The following TGS1 variants were observed in gnomAD, a reference collection of about 807,000 sequenced individuals.
TGS1 encodes the protein trimethylguanosine synthase 1.
TGS1 carries 69 observed loss-of-function variants against 92.2 expected under a neutral mutation model. The ratio of observed to expected loss-of-function variants is 0.75; its 90% CI spans 0.62 to 0.91. TGS1 has a LOEUF of 0.91. TGS1 is among the 40% of genes least tolerant of loss of function. The pLI, the probability that TGS1 is intolerant of heterozygous loss-of-function variation, is 0.00. For synonymous variants in TGS1, 345 were observed against 338.1 expected (o/e 1.02, Z -0.22); for missense variants, 1,062 against 1,001.2 (o/e 1.06, Z -0.82).
intron 5 of TGS1, 80 bp downstream of exon 5, chr8:55,790,379 T>C (rs1489101739): frequency 1.4e-5 from 13 of 897,844 alleles, no homozygotes; most frequent in South Asian, 1.0e-4. Context: ...ATTAAATGAT[T>C]GTTATGTTCA....
chr8:55,807,287 A>G (rs982704656), intron 10 of TGS1, among the ~76,000 whole-genome samples: 1 of 152,134 alleles, frequency 6.6e-6, no homozygotes, highest in Admixed American at 6.5e-5. Flanking sequence ...ACCTTTCAAA[A>G]AGCTTTAAAT....
At chr8:55,780,160 C>CTTTT (rs56871302) in intron 1 of TGS1, among the ~76,000 whole-genome samples, 3 of 130,934 alleles carry the variant, frequency 2.3e-5, no homozygotes, top group African/African-American at 2.8e-5. Context: ...TCTGGCATGG[C>CTTTT]TTTTTTTTTT....
chr8:55,806,935 T>C (rs1378515409), intron 10 of TGS1, among the ~76,000 whole-genome samples: 23 of 146,586 alleles, frequency 1.6e-4, no homozygotes, highest in African/African-American at 2.7e-4. Context: ...TTTTTTTTTT[T>C]CTTTTTTTTT....
At chr8:55,806,173 T>A (rs532594658) in intron 10 of TGS1, among the ~76,000 whole-genome samples, 67 of 151,218 alleles carry the variant, frequency 4.4e-4, no homozygotes, top group Admixed American at 5.3e-4. Flanking sequence ...CTGACCAACA[T>A]GGAGAGACCC....
rs775624129 is a variant in TGS1, at chr8:55,799,047, G to T, written c.1676G>T (p.Gly559Val). The T allele has an allele frequency of 5.6e-6, 9 of 1,614,194 alleles. No homozygotes were observed. In the Middle Eastern group the frequency reaches 4.9e-4, roughly 89 times the overall value. The change falls in exon 8 of 13, where the codon GGT becomes GTT. Residue 559 changes from glycine (G) to valine (V), a missense_variant. Transcript: ENST00000260129. ...SEEQDMSVKK[G>V]DDLLETNNPE... is the part of the protein sequence containing the mutation. ...GAACAAGACATGTCTGTTAAAAAAG[G>T]TGATGACCTACTGGAGACTAATAAT...
chr8:55,806,818 C>A (rs1812385301), intron 10 of TGS1, among the ~76,000 whole-genome samples: 2 of 152,128 alleles, frequency 1.3e-5, no homozygotes, highest in South Asian at 4.1e-4. Context: ...TTTTATAAAA[C>A]CAAAAATACC....
chr8:55,785,058 G>GTTTTTTTTTTT (rs1262385274), intron 2 of TGS1, among the ~76,000 whole-genome samples: 7 of 143,586 alleles, frequency 4.9e-5, no homozygotes, highest in Non-Finnish European at 7.6e-5. Context: ...GGTGTTTTTT[G>GTTTTTTTTTTT]TTTTTTGTTT....
intron 1 of TGS1, among the ~76,000 whole-genome samples, chr8:55,782,343 A>T (rs1811590309): frequency 6.6e-6 from 1 of 151,970 alleles, no homozygotes; most frequent in African/African-American, 2.4e-5. Flanking sequence ...CACCACGCCC[A>T]GCTAATTTGT....
intron 4 of TGS1, among the ~76,000 whole-genome samples, chr8:55,787,920 T>C (rs1811767500): frequency 6.6e-6 from 1 of 152,128 alleles, no homozygotes; most frequent in African/African-American, 2.4e-5. Context: ...GGTCCCAGGC[T>C]CTTGTTAGCA....
intron 12 of TGS1, among the ~76,000 whole-genome samples, chr8:55,823,898 A>G (rs564239172): frequency 5.3e-5 from 8 of 152,236 alleles, no homozygotes; most frequent in African/African-American, 1.9e-4. Flanking sequence ...GCGGATCACC[A>G]GGTCAGGAGT....
At chr8:55,792,084 A>C (rs1184951127) in intron 5 of TGS1, among the ~76,000 whole-genome samples, 1 of 152,354 alleles carries the variant, frequency 6.6e-6, no homozygotes, top group Non-Finnish European at 1.5e-5. Flanking sequence ...CTGGAGGCAA[A>C]GATCATGTGT....
chr8:55,782,221 G>A (rs186632002), intron 1 of TGS1, among the ~76,000 whole-genome samples: 10 of 150,834 alleles, frequency 6.6e-5, no homozygotes, highest in Non-Finnish European at 1.2e-4. Context: ...TGCTCTTGTC[G>A]CCCAGGCTAG....
Position 55,786,433 on chromosome 8 carries a change from AC to A in TGS1, c.536del (p.Thr179LysfsTer14), listed in dbSNP as rs1175939623. 1.9e-6 allele frequency: 3 copies of A among 1,613,516 alleles called. No individual in the cohort carries two copies. Among genetic ancestry groups the A allele is most frequent in the Non-Finnish European group, 2.5e-6 (3 of 1,179,898 alleles). Reference sequence around the variant, plus strand: ...ACTTCAAAGCAAAAAAGATACTGAGACAGAAAATCCTCCAGTTGAAAACACA... The same window carrying A: ...ACTTCAAAGCAAAAAAGATACTGAGAAGAAAATCCTCCAGTTGAAAACACA... ...YELQSKKDTE[T>X]ENPPVENTLS... On this transcript the variant is annotated frameshift_variant, in exon 4 of 13. Coordinates refer to ENST00000260129, the MANE Select transcript of TGS1 (RefSeq NM_024831.8). LOFTEE classifies it high-confidence loss of function.
chr8:55,781,583 G>GC (rs1440974579), intron 1 of TGS1, among the ~76,000 whole-genome samples: 1 of 152,066 alleles, frequency 6.6e-6, no homozygotes, highest in East Asian at 1.9e-4. Context: ...GACCAGTGAT[G>GC]CCCCCTGTGC....
At chr8:55,816,055 G>T (rs1208706906) in intron 12 of TGS1, among the ~76,000 whole-genome samples, 1 of 152,032 alleles carries the variant, frequency 6.6e-6, no homozygotes, top group African/African-American at 2.4e-5. Context: ...CTGGGCTCAA[G>T]TGATCCTCCT....
intron 12 of TGS1, among the ~76,000 whole-genome samples, chr8:55,816,727 A>G (rs1803487227): frequency 1.3e-5 from 2 of 152,340 alleles, no homozygotes; most frequent in East Asian, 1.9e-4. Context: ...ATGTCATGTA[A>G]CATTTGGGCA....
chr8:55,809,603 C>T (rs1388478254), intron 10 of TGS1, among the ~76,000 whole-genome samples: 1 of 152,160 alleles, frequency 6.6e-6, no homozygotes, highest in Non-Finnish European at 1.5e-5. Flanking sequence ...ACTGCTGGCA[C>T]ATGCCACCCC....
At chr8:55,773,765 C>G in intron 1 of TGS1, 46 bp downstream of exon 1, 1 of 1,481,758 alleles carries the variant, frequency 6.7e-7, no homozygotes, top group Non-Finnish European at 9.3e-7. Flanking sequence ...CAGTCATTAC[C>G]CAGAAATGTA....
rs544315869 is a variant in TGS1, at chr8:55,773,485, C to T, written c.-134C>T. The T allele has an allele frequency of 4.7e-5, 28 of 600,166 alleles. No individual in the cohort carries two copies. In the South Asian group the frequency reaches 5.6e-4, roughly 12 times the overall value. 37.2% of individuals were successfully genotyped at this position (600,166 alleles called of 1,614,324 possible). ...CGTCCGGGCTAGTTCCCGGCGCGAG[C>T]GGCCGCGGGCCAGTTTCTATCTCCT... On this transcript the variant is annotated 5_prime_UTR_variant, in exon 1 of 13. Coordinates refer to ENST00000260129, the MANE Select transcript of TGS1 (RefSeq NM_024831.8).
Sources: allele counts gnomAD v4.1 joint callset (sites outside exome capture counted in the v4.1 genomes callset), GRCh38; gene constraint gnomAD v4.1.1; transcripts MANE v1.5; gene names NCBI Gene and HGNC (gene_info 2026-07-23, HGNC 2026-07-21).